Variants in TPD52L1 observed in about 807,000 individuals in gnomAD.
TPD52L1 encodes the protein TPD52 like 1, also known as tumor protein D53.
TPD52L1 carries 18 observed loss-of-function variants against 28.7 expected under a neutral mutation model. The ratio of observed to expected loss-of-function variants is 0.63; its 90% CI spans 0.43 to 0.93. TPD52L1 has a LOEUF of 0.93. Among genes scored for constraint, TPD52L1 ranks in the 40% least tolerant of loss-of-function variants. TPD52L1 has a pLI of 0.00. For missense variants in TPD52L1, 203 were observed against 254.8 expected, an observed-to-expected ratio of 0.80 and a Z score of 1.39; for synonymous variants, 75 against 88.8, an observed-to-expected ratio of 0.84 and a Z score of 0.88.
At chr6:125,178,620 A>AAAAACAAAACAAAACAAAAC (rs567869890) in intron 1 of TPD52L1, among the ~76,000 whole-genome samples, 21 of 150,616 alleles carry the variant, frequency 1.4e-4, no homozygotes, top group African/African-American at 5.2e-4. Flanking sequence ...GACTCCATCT[A>AAAAACAAAACAAAACAAAAC]AAAACAAAAC....
rs1196483039 is a variant in TPD52L1 at position 125,153,896 on chromosome 6, T to A, written c.-56T>A. 14 of 1,570,298 alleles carry A rather than the reference T, an allele frequency of 8.9e-6. No homozygotes were observed. The highest frequency in any genetic ancestry group is 5.4e-5 in the African/African-American group (4 of 74,028). ...GTTCTGAGCCTGGGCGCAGCTGCCA[T>A]CTGCTCTGGGAAGCACCAGGGTGTC... On this transcript the variant is annotated 5_prime_UTR_variant, in exon 1 of 7. Transcript: ENST00000534000.
intron 1 of TPD52L1, among the ~76,000 whole-genome samples, chr6:125,171,933 T>A (rs1443781263): frequency 1.5e-5 from 2 of 133,424 alleles, no homozygotes; most frequent in Non-Finnish European, 3.1e-5. Flanking sequence ...GGGATGTATA[T>A]TTTTTTTTGT....
intron 1 of TPD52L1, among the ~76,000 whole-genome samples, chr6:125,189,531 T>A: frequency 6.6e-6 from 1 of 152,236 alleles, no homozygotes; most frequent in East Asian, 1.9e-4. Flanking sequence ...ATAAGACACA[T>A]TTTTAGATAT....
At chr6:125,217,824 C>A (rs1174357923) in intron 1 of TPD52L1, among the ~76,000 whole-genome samples, 1 of 152,004 alleles carries the variant, frequency 6.6e-6, no homozygotes, top group Non-Finnish European at 1.5e-5. Context: ...TGCTTTTGTA[C>A]TTCATTAAGT....
At chr6:125,170,952 T>C (rs1030172111) in intron 1 of TPD52L1, among the ~76,000 whole-genome samples, 2 of 152,074 alleles carry the variant, frequency 1.3e-5, no homozygotes, top group Non-Finnish European at 2.9e-5. Context: ...CAGGCATCCA[T>C]GAGCCTTTCG....
chr6:125,153,861 G>A lies in TPD52L1; in HGVS notation c.-91G>A, dbSNP rs1323308659. The A allele has an allele frequency of 4.8e-6, 7 of 1,457,110 alleles. No individual in the cohort carries two copies. Among genetic ancestry groups the A allele is most frequent in the Non-Finnish European group, 6.5e-6 (7 of 1,084,490 alleles). 90.3% of individuals were successfully genotyped at this position (1,457,110 alleles called of 1,614,324 possible). A position where few individuals can be genotyped will look rare whatever the true frequency, so the allele number is the denominator to read the frequency against. ...TGCCAGGAGTGGGAGCGAGCGGCGGGGCCAGCTGCGTTCTGAGCCTGGGCG... is the reference window on the plus strand; with the variant it reads ...TGCCAGGAGTGGGAGCGAGCGGCGGAGCCAGCTGCGTTCTGAGCCTGGGCG... On this transcript the variant is annotated 5_prime_UTR_variant, in exon 1 of 7. Transcript: ENST00000534000.
In TPD52L1 at chr6:125,262,816, T is replaced by C; in HGVS notation, c.487-18T>C. The C allele has an allele frequency of 1.3e-6, 2 of 1,592,146 alleles. No homozygotes were observed. The highest frequency in any genetic ancestry group is 1.7e-6 in the Non-Finnish European group (2 of 1,172,106). The stretch of plus-strand genomic sequence containing the variant: ...ATAGTAACAACTAACTGCATTTTTG[T>C]GGATCTGCTCATTTCAGACGAAAGT... On this transcript the variant is annotated intron_variant, in intron 6 of 6. Transcript: ENST00000534000.
At chr6:125,203,159 G>T (rs984365738) in intron 1 of TPD52L1, among the ~76,000 whole-genome samples, 1 of 152,102 alleles carries the variant, frequency 6.6e-6, no homozygotes, top group Non-Finnish European at 1.5e-5. Context: ...TGATTTAAAG[G>T]TTTAGATGGT....
intron 1 of TPD52L1, among the ~76,000 whole-genome samples, chr6:125,207,038 G>C (rs1477609782): frequency 6.6e-6 from 1 of 152,168 alleles, no homozygotes; most frequent in African/African-American, 2.4e-5. Context: ...ATTATGAAAA[G>C]AGCATCAAGA....
chr6:125,203,176 A>G (rs1015380744), intron 1 of TPD52L1, among the ~76,000 whole-genome samples: 8 of 151,996 alleles, frequency 5.3e-5, no homozygotes, highest in African/African-American at 1.9e-4. Context: ...TGGTCTGGTT[A>G]TTTTTAGTTT....
intron 1 of TPD52L1, among the ~76,000 whole-genome samples, chr6:125,190,651 C>G (rs1792974611): frequency 6.6e-6 from 1 of 152,184 alleles, no homozygotes; most frequent in Non-Finnish European, 1.5e-5. Flanking sequence ...TTTTCTGCAT[C>G]TAGATGGTCT....
chr6:125,205,484 G>A (rs1314832278), intron 1 of TPD52L1, among the ~76,000 whole-genome samples: 1 of 152,180 alleles, frequency 6.6e-6, no homozygotes, highest in East Asian at 1.9e-4. Flanking sequence ...CTAGGGATGG[G>A]ACCAGGGAGG....
Position 125,235,291 on chromosome 6 carries a change from A to G in TPD52L1, c.284+6025A>G, listed in dbSNP as rs186938114. Among the ~76,000 whole-genome samples the G allele has an allele frequency of 3.9e-3, 593 of 152,120 alleles. 2 individuals are homozygous for G. Among genetic ancestry groups the G allele is most frequent in the Non-Finnish European group, 6.2e-3 (424 of 68,002 alleles). Reference sequence around the variant, plus strand: ...GGGCCTGTGCAATACGTAACTCCTGAGGTACCATTTGCTTAGACCAGGCAT... The same window carrying G: ...GGGCCTGTGCAATACGTAACTCCTGGGGTACCATTTGCTTAGACCAGGCAT... On this transcript the variant is annotated intron_variant, in intron 3 of 6. Coordinates refer to ENST00000534000, the MANE Select transcript of TPD52L1 (RefSeq NM_003287.4).
chr6:125,160,522 G>C (rs1373915114), intron 1 of TPD52L1, among the ~76,000 whole-genome samples: 1 of 152,036 alleles, frequency 6.6e-6, no homozygotes, highest in Non-Finnish European at 1.5e-5. Context: ...ACTGCATCTG[G>C]TTACAGTTAG....
At chr6:125,242,976 T>C (rs1237777385) in intron 3 of TPD52L1, among the ~76,000 whole-genome samples, 1 of 152,150 alleles carries the variant, frequency 6.6e-6, no homozygotes, top group African/African-American at 2.4e-5. Flanking sequence ...GAGCATTTCT[T>C]GTCAGGCTGG....
chr6:125,154,760 C>T (rs1440956082), intron 1 of TPD52L1, among the ~76,000 whole-genome samples: 1 of 151,984 alleles, frequency 6.6e-6, no homozygotes, highest in Non-Finnish European at 1.5e-5. Context: ...CAGAGGTGGG[C>T]GGATGTGGAG....
intron 1 of TPD52L1, among the ~76,000 whole-genome samples, chr6:125,165,291 G>A (rs957865011): frequency 1.3e-5 from 2 of 151,868 alleles, no homozygotes; most frequent in Non-Finnish European, 2.9e-5. Flanking sequence ...TGAAATATAT[G>A]CATTAAATTG....
At chr6:125,159,469 C>T (rs1409010816) in intron 1 of TPD52L1, among the ~76,000 whole-genome samples, 3 of 152,214 alleles carry the variant, frequency 2.0e-5, no homozygotes, top group East Asian at 3.9e-4. Context: ...ACCACATCTG[C>T]ACTTCATTTC....
intron 1 of TPD52L1, among the ~76,000 whole-genome samples, chr6:125,213,489 C>T (rs901264504): frequency 4.6e-5 from 7 of 152,138 alleles, no homozygotes; most frequent in East Asian, 3.9e-4. Context: ...GTAGCCCCTC[C>T]GAGCTGATTC....
Sources: gnomAD v4.1 joint callset for allele counts (sites outside exome capture counted in the v4.1 genomes callset) on GRCh38, gnomAD v4.1.1 for gene constraint, MANE v1.5 for transcripts, NCBI Gene and HGNC (gene_info 2026-07-23, HGNC 2026-07-21) for gene names.